CNTN5: variants seen among roughly 807,000 people sequenced by gnomAD.
CNTN5 encodes the protein contactin-5.
CNTN5 carries 77 observed loss-of-function variants against 129.1 expected under a neutral mutation model. The observed-to-expected ratio is 0.60, with a 90% confidence interval of 0.50 to 0.72. CNTN5 has a LOEUF of 0.72. Ranked by LOEUF, CNTN5 falls within the 30% of genes least tolerant of loss-of-function variation. CNTN5 has a pLI of 0.00. For synonymous variants in CNTN5, 509 were observed against 465.6 expected (o/e 1.09, Z -1.20); for missense variants, 1,478 against 1,328.8 (o/e 1.11, Z -1.75).
chr11:99,272,884 T>A (rs1047919939), intron 1 of CNTN5, among the ~76,000 whole-genome samples: 1 of 151,990 alleles, frequency 6.6e-6, no homozygotes, highest in Admixed American at 6.6e-5. Context: ...ATATTGACTT[T>A]AAAAAACTTA....
Position 99,317,384 on chromosome 11 carries a change from T to G in CNTN5, c.-209-7962T>G, listed in dbSNP as rs373107674. On this transcript the variant is annotated intron_variant, in intron 1 of 24. Transcript: ENST00000524871. ...GGTATTCTTAACTAATAGTGACAGATGTAGCAATATGACTTCTAGTGCTTG... is the reference window on the plus strand; with the variant it reads ...GGTATTCTTAACTAATAGTGACAGAGGTAGCAATATGACTTCTAGTGCTTG... Among the ~76,000 whole-genome samples, 30 of 152,318 alleles carry G rather than the reference T, an allele frequency of 2.0e-4. No homozygotes were observed. In the East Asian group the frequency reaches 2.7e-3, roughly 14 times the overall value.
chr11:99,913,986 T>A (rs1462447820), intron 6 of CNTN5, among the ~76,000 whole-genome samples: 1 of 152,076 alleles, frequency 6.6e-6, no homozygotes, highest in African/African-American at 2.4e-5. Context: ...ATGGTGGCTT[T>A]CCCCTATAAT....
intron 1 of CNTN5, among the ~76,000 whole-genome samples, chr11:99,155,199 C>G (rs1290060453): frequency 2.0e-5 from 3 of 152,164 alleles, no homozygotes; most frequent in Non-Finnish European, 2.9e-5. Context: ...GCTATTTCCC[C>G]CTTCCGCCCA....
chr11:99,794,015 T>C (rs1762541149), intron 3 of CNTN5, among the ~76,000 whole-genome samples: 1 of 152,152 alleles, frequency 6.6e-6, no homozygotes, highest in African/African-American at 2.4e-5. Flanking sequence ...CAGTGGTGTG[T>C]TGTAGTCTTC....
Position 99,383,519 on chromosome 11 carries a change from G to A in CNTN5, c.-71+58035G>A, listed in dbSNP as rs547316064. On this transcript the variant is annotated intron_variant, in intron 2 of 24. Coordinates refer to ENST00000524871, the MANE Select transcript of CNTN5 (RefSeq NM_014361.4). ...ATGAACAGTGATGCCATAGTGGCAA[G>A]CAAGTTATTAAAGGGACTCGATACC... 2.4e-4 allele frequency among the ~76,000 whole-genome samples: 37 copies of A among 151,992 alleles called. 2 individuals are homozygous for A. In the South Asian group the frequency reaches 6.9e-3, roughly 28 times the overall value.
intron 6 of CNTN5, among the ~76,000 whole-genome samples, chr11:99,861,176 C>G (rs1591325660): frequency 6.6e-6 from 1 of 152,112 alleles, no homozygotes; most frequent in South Asian, 2.1e-4. Context: ...CCAGGATGGT[C>G]TCAATCTCCT....
Position 100,061,408 on chromosome 11 carries a change from C to T in CNTN5, c.1162+15C>T, listed in dbSNP as rs780350642. ...ACAAGTATACAGTAAGTGTTTTCAGCAAAGCATGATTGCTCTAGTCCCAAA... is the reference window on the plus strand; with the variant it reads ...ACAAGTATACAGTAAGTGTTTTCAGTAAAGCATGATTGCTCTAGTCCCAAA... On this transcript the variant is annotated intron_variant, in intron 10 of 24. Transcript: ENST00000524871. 2.0e-6 allele frequency: 3 copies of T among 1,526,488 alleles called. No individual in the cohort carries two copies. In the Admixed American group the frequency reaches 5.3e-5, roughly 27 times the overall value. The allele number at this position is 1,526,488 out of a possible 1,614,324, so 94.6% of individuals were successfully genotyped here.
chr11:99,919,045 G>T (rs1949866684), intron 7 of CNTN5, among the ~76,000 whole-genome samples: 1 of 152,144 alleles, frequency 6.6e-6, no homozygotes, highest in Non-Finnish European at 1.5e-5. Context: ...GCAGGGATAA[G>T]CTGCATTAAG....
chr11:99,536,989 A>G (rs1947926289), intron 2 of CNTN5, among the ~76,000 whole-genome samples: 1 of 152,144 alleles, frequency 6.6e-6, no homozygotes, highest in African/African-American at 2.4e-5. Flanking sequence ...TTTCTGTACT[A>G]AAGCTTCATA....
rs566734542 is a variant in CNTN5 at position 99,522,865 on chromosome 11, G to A, written c.-70-33280G>A. On this transcript the variant is annotated intron_variant, in intron 2 of 24. Coordinates refer to ENST00000524871, the MANE Select transcript of CNTN5 (RefSeq NM_014361.4). ...CTTGTAACTAATGCCGTGCCTTCTCGCCCTTCCTTCATGTGTTACAAGAAT... is the reference window on the plus strand; with the variant it reads ...CTTGTAACTAATGCCGTGCCTTCTCACCCTTCCTTCATGTGTTACAAGAAT... 7.9e-4 allele frequency among the ~76,000 whole-genome samples: 120 copies of A among 151,788 alleles called. 1 individual carries two copies. Among genetic ancestry groups the A allele is most frequent in the African/African-American group, 2.9e-3 (118 of 41,376 alleles).
chr11:99,717,155 T>C (rs1460618930), intron 3 of CNTN5, among the ~76,000 whole-genome samples: 2 of 152,134 alleles, frequency 1.3e-5, no homozygotes, highest in Non-Finnish European at 2.9e-5. Flanking sequence ...ATTATTTTTC[T>C]GTCCTTTTGT....
intron 2 of CNTN5, among the ~76,000 whole-genome samples, chr11:99,539,744 C>T (rs187973126): frequency 6.6e-6 from 1 of 152,138 alleles, no homozygotes; most frequent in Admixed American, 6.6e-5. Flanking sequence ...CACATACTTC[C>T]CATACTATAG....
At chr11:100,185,498 T>A (rs1474546367) in intron 13 of CNTN5, among the ~76,000 whole-genome samples, 2 of 152,112 alleles carry the variant, frequency 1.3e-5, no homozygotes, top group Admixed American at 6.5e-5. Context: ...CGGTATTTAT[T>A]TCCTGGCTTC....
intron 1 of CNTN5, among the ~76,000 whole-genome samples, chr11:99,261,918 T>G (rs1288880942): frequency 6.6e-6 from 1 of 152,012 alleles, no homozygotes; most frequent in Non-Finnish European, 1.5e-5. Flanking sequence ...AAAGCAAAGC[T>G]GATGTTCAGC....
intron 18 of CNTN5, among the ~76,000 whole-genome samples, chr11:100,271,878 C>T (rs1253474687): frequency 5.9e-5 from 9 of 152,168 alleles, no homozygotes; most frequent in Non-Finnish European, 1.0e-4. Context: ...TCTTGCCTAT[C>T]ACCTGGAAGG....
At chr11:99,813,168 T>C (rs938054229) in intron 3 of CNTN5, among the ~76,000 whole-genome samples, 32 of 152,066 alleles carry the variant, frequency 2.1e-4, no homozygotes, top group Admixed American at 7.9e-4. Flanking sequence ...GAAGGTTGAA[T>C]GAGAAAACTT....
chr11:99,848,928 C>T (rs1183942092), intron 6 of CNTN5, among the ~76,000 whole-genome samples: 1 of 152,042 alleles, frequency 6.6e-6, no homozygotes, highest in Non-Finnish European at 1.5e-5. Context: ...TGGTGATTAA[C>T]CATTATTATT....
intron 1 of CNTN5, among the ~76,000 whole-genome samples, chr11:99,285,924 G>A (rs1216701948): frequency 6.6e-6 from 1 of 151,238 alleles, no homozygotes; most frequent in East Asian, 2.0e-4. Context: ...TGTAATCCGA[G>A]CTATTTGAGA....
At chr11:100,033,533 A>G (rs1407929970) in intron 9 of CNTN5, among the ~76,000 whole-genome samples, 1 of 152,062 alleles carries the variant, frequency 6.6e-6, no homozygotes, top group African/African-American at 2.4e-5. Flanking sequence ...CCCTGTCTTC[A>G]CCTCTTACCC....
Sources: gnomAD v4.1 joint callset for allele counts (sites outside exome capture counted in the v4.1 genomes callset) on GRCh38, gnomAD v4.1.1 for gene constraint, MANE v1.5 for transcripts, NCBI Gene and HGNC (gene_info 2026-07-23, HGNC 2026-07-21) for gene names.